Variants in ELAPOR2 observed in about 807,000 individuals in gnomAD.
ELAPOR2 encodes endosome/lysosome-associated apoptosis and autophagy regulator family member 2.
A neutral mutation model predicts 120.7 loss-of-function variants in ELAPOR2; 89 were observed. The observed-to-expected ratio is 0.74, with a 90% CI of 0.62 to 0.88. The LOEUF (loss-of-function observed/expected upper bound fraction) is 0.88. ELAPOR2 is among the 40% of genes least tolerant of loss of function. The pLI, the probability that ELAPOR2 is intolerant of heterozygous loss-of-function variation, is 0.00. For synonymous variants in ELAPOR2, 444 were observed against 444.9 expected, an observed-to-expected ratio of 1.00 and a Z score of 0.03; for missense variants, 1,134 against 1,251.6, an observed-to-expected ratio of 0.91 and a Z score of 1.42.
chr7:86,913,355 G>T, intron 13 of ELAPOR2, 151 bp from the exon 14 acceptor site: 2 of 736,416 alleles, frequency 2.7e-6, no homozygotes, highest in South Asian at 2.2e-5. Flanking sequence ...ACTGCTATTT[G>T]GTTCTTCTTT....
At chr7:86,943,620 T>C (rs979447434) in intron 4 of ELAPOR2, among the ~76,000 whole-genome samples, 4 of 152,048 alleles carry the variant, frequency 2.6e-5, no homozygotes, top group African/African-American at 7.2e-5. Flanking sequence ...GGTACCTTTA[T>C]TGACATCTCT....
At chr7:86,963,101 A>G (rs1791779596) in intron 2 of ELAPOR2, among the ~76,000 whole-genome samples, 2 of 152,210 alleles carry the variant, frequency 1.3e-5, no homozygotes, top group South Asian at 2.1e-4. Flanking sequence ...AAAATGTCCC[A>G]GCCAAAAGTA....
intron 12 of ELAPOR2, among the ~76,000 whole-genome samples, chr7:86,915,482 T>C (rs1305991654): frequency 6.6e-6 from 1 of 152,006 alleles, no homozygotes; most frequent in Non-Finnish European, 1.5e-5. Flanking sequence ...CAAGATAATA[T>C]TAAAATCACA....
chr7:86,892,168 G>A (rs1335411941), intron 20 of ELAPOR2, among the ~76,000 whole-genome samples: 1 of 151,972 alleles, frequency 6.6e-6, no homozygotes, highest in African/African-American at 2.4e-5. Context: ...GGGGGGCAGG[G>A]ACTTTTAGGC....
intron 6 of ELAPOR2, among the ~76,000 whole-genome samples, chr7:86,939,582 A>C (rs904870062): frequency 6.6e-6 from 1 of 152,150 alleles, no homozygotes; most frequent in Non-Finnish European, 1.5e-5. Context: ...CGGTTGGCTC[A>C]GAGAAGCATA....
intron 16 of ELAPOR2, among the ~76,000 whole-genome samples, 186 bp downstream of exon 16, chr7:86,909,626 G>A (rs1789199523): frequency 6.6e-6 from 1 of 152,008 alleles, no homozygotes; most frequent in African/African-American, 2.4e-5. Context: ...AAATGCAGAA[G>A]CTTCTCAGAG....
intron 1 of ELAPOR2, among the ~76,000 whole-genome samples, chr7:87,001,127 A>G (rs1793302535): frequency 6.6e-6 from 1 of 152,154 alleles, no homozygotes; most frequent in African/African-American, 2.4e-5. Context: ...AAAGCCTACT[A>G]CATTAGACCT....
At chr7:86,911,090 A>G (rs1789286356) in intron 15 of ELAPOR2, among the ~76,000 whole-genome samples, 2 of 152,120 alleles carry the variant, frequency 1.3e-5, no homozygotes, top group African/African-American at 4.8e-5. Flanking sequence ...AAGAGAAGAG[A>G]AGGTGGAAAA....
rs1257788579 is a variant in ELAPOR2 at position 86,987,940 on chromosome 7, A to G, written c.190-22916T>C. On this transcript the variant is annotated intron_variant, in intron 1 of 21. Coordinates refer to ENST00000450689, the MANE Select transcript of ELAPOR2 (RefSeq NM_001142749.3). ...CTACTCACAATAGCAAAGACTTGGA[A>G]TCAACCCAAATATCCATCAATGATA... 2.0e-5 allele frequency among the ~76,000 whole-genome samples: 3 copies of G among 152,228 alleles called. No homozygotes were observed. In the East Asian group the frequency reaches 5.8e-4, roughly 29 times the overall value.
rs369379293 is a variant in ELAPOR2, at chr7:87,006,137, G to A, written c.190-41113C>T. On this transcript the variant is annotated intron_variant, in intron 1 of 21. Transcript: ENST00000450689. ...CTAGCTAACCTTTTAGCACATACAC[G>A]GGGCTAAAATTTACCAGAATGAGTT... 3.1e-3 allele frequency among the ~76,000 whole-genome samples: 466 copies of A among 152,048 alleles called. 1 individual carries two copies. Among genetic ancestry groups the A allele is most frequent in the African/African-American group, 0.011 (439 of 41,492 alleles).
chr7:86,940,592 C>G (rs1393866024), intron 5 of ELAPOR2, among the ~76,000 whole-genome samples: 1 of 151,928 alleles, frequency 6.6e-6, no homozygotes, highest in African/African-American at 2.4e-5. Flanking sequence ...TAGGAATGTT[C>G]TTAGGGATAA....
chr7:86,885,582 G>C (rs1343451719), intron 21 of ELAPOR2, among the ~76,000 whole-genome samples: 1 of 152,102 alleles, frequency 6.6e-6, no homozygotes, highest in Non-Finnish European at 1.5e-5. Flanking sequence ...CTGTTACCAA[G>C]AGGGACTGGA....
chr7:87,008,462 A>G (rs546871320), intron 1 of ELAPOR2, among the ~76,000 whole-genome samples: 1 of 152,368 alleles, frequency 6.6e-6, no homozygotes, highest in East Asian at 1.9e-4. Flanking sequence ...GGGACTACAG[A>G]CAGAAATATG....
At chr7:87,020,180 T>C (rs529604566) in intron 1 of ELAPOR2, among the ~76,000 whole-genome samples, 6 of 152,234 alleles carry the variant, frequency 3.9e-5, no homozygotes, top group African/African-American at 1.4e-4. Context: ...TACACACATA[T>C]GTATATGTGT....
intron 2 of ELAPOR2, among the ~76,000 whole-genome samples, chr7:86,954,968 A>C (rs1791412727): frequency 6.6e-6 from 1 of 152,168 alleles, no homozygotes; most frequent in Non-Finnish European, 1.5e-5. Context: ...TTAGTGTGTG[A>C]ACCTCACAAA....
chr7:86,967,980 A>C (rs952028294), intron 1 of ELAPOR2, among the ~76,000 whole-genome samples: 1 of 152,222 alleles, frequency 6.6e-6, no homozygotes, highest in Non-Finnish European at 1.5e-5. Flanking sequence ...TTTTATTTTA[A>C]ATTATTTAAC....
At chr7:87,040,011 A>C (rs1452921546) in intron 1 of ELAPOR2, among the ~76,000 whole-genome samples, 2 of 152,198 alleles carry the variant, frequency 1.3e-5, no homozygotes, top group Non-Finnish European at 2.9e-5. Context: ...GGGGTGACGG[A>C]CGGCACCTGG....
intron 8 of ELAPOR2, among the ~76,000 whole-genome samples, chr7:86,935,760 T>C (rs370581251): frequency 1.3e-5 from 2 of 152,008 alleles, no homozygotes; most frequent in East Asian, 3.9e-4. Flanking sequence ...AGCTCTGCCC[T>C]CCTTACCCAG....
intron 1 of ELAPOR2, among the ~76,000 whole-genome samples, chr7:86,991,227 C>T (rs1429102862): frequency 6.6e-6 from 1 of 152,164 alleles, no homozygotes. Flanking sequence ...TTGTGGGTGA[C>T]CATATCAGGT....
Sources: allele counts gnomAD v4.1 joint callset (sites outside exome capture counted in the v4.1 genomes callset), GRCh38; gene constraint gnomAD v4.1.1; transcripts MANE v1.5; gene names NCBI Gene and HGNC (gene_info 2026-07-23, HGNC 2026-07-21).